Variants in CTTNBP2 observed in about 807,000 individuals in gnomAD.
The protein encoded by CTTNBP2 is cortactin binding protein 2, also known as cortactin-binding protein 2.
Under a neutral mutation model 156.9 loss-of-function variants are expected in CTTNBP2, and 108 were observed. That is an observed-to-expected ratio of 0.69 (90% confidence interval 0.59 to 0.81). The LOEUF (loss-of-function observed/expected upper bound fraction) is 0.81, where lower values mean the gene tolerates loss of function less well. CTTNBP2 is among the 30% of genes least tolerant of loss of function. The probability of loss-of-function intolerance (pLI) is 0.00; values close to 1 mark genes in which losing one functional copy is unlikely to be tolerated. For synonymous variants in CTTNBP2, 767 were observed against 751.8 expected, an observed-to-expected ratio of 1.02 and a Z score of -0.33; for missense variants, 1,924 against 2,035.4, an observed-to-expected ratio of 0.95 and a Z score of 1.05.
rs73479305 is a variant in CTTNBP2, at chr7:117,831,966, A to C, written c.190-20977T>G. On this transcript the variant is annotated intron_variant, in intron 2 of 22. Transcript: ENST00000160373. ...TTCTAGAAACAGTATTCTATGACCA[A>C]AATGACATATTCCAAACCCTTAAAT... Among the ~76,000 whole-genome samples the C allele has an allele frequency of 9.6e-3, 1,462 of 152,276 alleles. 20 individuals carry two copies. Among genetic ancestry groups the C allele is most frequent in the African/African-American group, 0.033 (1,383 of 41,552 alleles).
chr7:117,779,637 TCA>T (rs1798294708), intron 7 of CTTNBP2, among the ~76,000 whole-genome samples: 1 of 151,872 alleles, frequency 6.6e-6, no homozygotes, highest in African/African-American at 2.4e-5. Flanking sequence ...AACTGTTTTC[TCA>T]GATTTTCAAA....
chr7:117,719,666 A>C, intron 20 of CTTNBP2, 30 bp from the exon 21 acceptor site: 1 of 1,590,892 alleles, frequency 6.3e-7, no homozygotes, highest in Non-Finnish European at 8.6e-7. Flanking sequence ...AACGTTTTTC[A>C]AAGTGAGAAC....
chr7:117,855,938 T>G (rs1282622726), intron 2 of CTTNBP2, among the ~76,000 whole-genome samples: 1 of 152,266 alleles, frequency 6.6e-6, no homozygotes, highest in Non-Finnish European at 1.5e-5. Flanking sequence ...TTTTTATGCC[T>G]GCTACATAAT....
intron 8 of CTTNBP2, among the ~76,000 whole-genome samples, chr7:117,769,063 C>G (rs1797671264): frequency 6.6e-6 from 1 of 152,194 alleles, no homozygotes; most frequent in Non-Finnish European, 1.5e-5. Flanking sequence ...CAGAGCTGGA[C>G]TGCTGTGCAC....
At chr7:117,808,179 A>G (rs1450379286) in intron 3 of CTTNBP2, among the ~76,000 whole-genome samples, 3 of 152,176 alleles carry the variant, frequency 2.0e-5, no homozygotes, top group Non-Finnish European at 4.4e-5. Flanking sequence ...TCAGGGCCAG[A>G]ATTTATACTT....
chr7:117,718,240 C>T (rs371943659), intron 21 of CTTNBP2, 121 bp from the exon 22 acceptor site: 5 of 631,800 alleles, frequency 7.9e-6, no homozygotes, highest in Non-Finnish European at 2.8e-6. Context: ...CCCTGCCCCT[C>T]AAGTCCTGAA....
chr7:117,756,216 G>A (rs1185183501), intron 12 of CTTNBP2, among the ~76,000 whole-genome samples: 1 of 152,116 alleles, frequency 6.6e-6, no homozygotes, highest in African/African-American at 2.4e-5. Context: ...TTATAGTAAG[G>A]CATCTTGATA....
At position 117,784,379 on chromosome 7, in the gene CTTNBP2, T is replaced by G. The variant is rs746208314; in HGVS notation, c.2144A>C (p.Gln715Pro). 6.2e-7 allele frequency: 1 copy of G among 1,613,684 alleles called. No homozygotes were observed. Among genetic ancestry groups the G allele is most frequent in the Admixed American group, 1.7e-5 (1 of 59,838 alleles). Residue 715 changes from glutamine (Q) to proline (P), a missense_variant, in exon 5 of 23, where the codon CAG (glutamine) becomes CCG (proline). Physicochemically the swap from Gln to Pro is moderately conservative, Grantham distance 76. Coordinates refer to ENST00000160373, the MANE Select transcript of CTTNBP2 (RefSeq NM_033427.3). Reference protein sequence around the residue: ...APLAGRPTLLQQAAAQGNVTL... With the variant: ...APLAGRPTLLPQAAAQGNVTL... The stretch of plus-strand genomic sequence containing the variant: ...GACATTTCCCTGGGCAGCAGCTTGC[T>G]GAAGAAGGGTGGGCCTGCCAGCCAG...
At chr7:117,854,770 TAATTA>T (rs1173005747) in intron 2 of CTTNBP2, among the ~76,000 whole-genome samples, 1 of 151,252 alleles carries the variant, frequency 6.6e-6, no homozygotes, top group African/African-American at 2.4e-5. Context: ...ATAGATGATT[TAATTA>T]ATTAATTAAT....
intron 2 of CTTNBP2, among the ~76,000 whole-genome samples, chr7:117,822,757 C>A (rs900413867): frequency 6.6e-6 from 1 of 152,154 alleles, no homozygotes; most frequent in Admixed American, 6.5e-5. Context: ...TTTTATGGCC[C>A]AGCATATGGT....
rs138068502 is a variant in CTTNBP2 at position 117,721,257 on chromosome 7, TGAG to T, written c.4448-130_4448-128del. Reference sequence around the variant, plus strand: ...TGTTCTTGGATTAGTATCCAGGATTTGAGGAGATTTTCCCCAGGACAGAGGCTC... The same window carrying T: ...TGTTCTTGGATTAGTATCCAGGATTTGAGATTTTCCCCAGGACAGAGGCTC... On this transcript the variant is annotated intron_variant, in intron 19 of 22. Coordinates refer to ENST00000160373, the MANE Select transcript of CTTNBP2 (RefSeq NM_033427.3). The T allele has an allele frequency of 2.4e-3, 1,609 of 658,630 alleles. 12 individuals are homozygous for T. Among genetic ancestry groups the T allele is most frequent in the African/African-American group, 0.024 (1,322 of 54,786 alleles). 40.8% of individuals were successfully genotyped at this position (658,630 alleles called of 1,614,324 possible). A position where few individuals can be genotyped will look rare whatever the true frequency, so the allele number is the denominator to read the frequency against.
intron 1 of CTTNBP2, among the ~76,000 whole-genome samples, chr7:117,867,911 G>A (rs1300336313): frequency 6.6e-6 from 1 of 152,172 alleles, no homozygotes; most frequent in Non-Finnish European, 1.5e-5. Context: ...AGGAAACAAT[G>A]TCAGGAAGGA....
intron 2 of CTTNBP2, among the ~76,000 whole-genome samples, chr7:117,820,718 C>A (rs1185469052): frequency 1.3e-5 from 2 of 152,146 alleles, no homozygotes; most frequent in Non-Finnish European, 2.9e-5. Flanking sequence ...TTATTCTATT[C>A]CATGAGGTAT....
At position 117,724,721 on chromosome 7, in the gene CTTNBP2, G is replaced by T. The variant is rs371665184; in HGVS notation, c.4273C>A (p.His1425Asn). 8.6e-5 allele frequency: 139 copies of T among 1,614,088 alleles called. No individual in the cohort carries two copies. The highest frequency in any genetic ancestry group is 5.6e-4 in the South Asian group (51 of 91,070). The change falls in exon 19 of 23, where the codon CAT becomes AAT. Residue 1425 changes from histidine to asparagine, a missense_variant. Transcript: ENST00000160373. ...CTTCCTCCTTTGAAATCAGCTGTATGCTGGTCTAGCTCTGAAACAACACAA... is the reference window on the plus strand; with the variant it reads ...CTTCCTCCTTTGAAATCAGCTGTATTCTGGTCTAGCTCTGAAACAACACAA... ...CPLPRAELDQHTADFKGGSFP... is the reference protein window; with the variant it reads ...CPLPRAELDQNTADFKGGSFP...
chr7:117,861,055 T>C (rs1453090121), intron 2 of CTTNBP2, among the ~76,000 whole-genome samples, 154 bp downstream of exon 2: 3 of 152,214 alleles, frequency 2.0e-5, no homozygotes, highest in Non-Finnish European at 4.4e-5. Context: ...TTATAAAAGT[T>C]ATGGGTTAGT....
chr7:117,734,076 T>G lies in CTTNBP2; in HGVS notation c.3876+837A>C, dbSNP rs538765394. On this transcript the variant is annotated intron_variant, in intron 16 of 22. Transcript: ENST00000160373. The stretch of plus-strand genomic sequence containing the variant: ...CAAGGGCACAGTGTCTGCAGCCTTG[T>G]GGGCACACTGCAGTCTTGACGGGAG... Among the ~76,000 whole-genome samples the G allele has an allele frequency of 3.9e-5, 6 of 152,342 alleles. No individual in the cohort carries two copies. In the East Asian group the frequency reaches 1.2e-3, roughly 29 times the overall value.
intron 14 of CTTNBP2, 62 bp from the exon 15 acceptor site, chr7:117,735,483 A>C (rs1428278940): frequency 2.1e-6 from 3 of 1,432,066 alleles, no homozygotes; most frequent in Admixed American, 4.2e-5. Flanking sequence ...CAAATTGGCA[A>C]AACTAAAAAA....
chr7:117,733,534 C>T lies in CTTNBP2; in HGVS notation c.3876+1379G>A, dbSNP rs112617225. 3.3e-3 allele frequency among the ~76,000 whole-genome samples: 504 copies of T among 152,256 alleles called. 2 individuals carry two copies. The highest frequency in any genetic ancestry group is 6.0e-3 in the Admixed American group (91 of 15,290). On this transcript the variant is annotated intron_variant, in intron 16 of 22. Coordinates refer to ENST00000160373, the MANE Select transcript of CTTNBP2 (RefSeq NM_033427.3). ...TGACAGTGATAGTTAATGCAAGTAT[C>T]GGTAATTTGAAAAGCTACAGACCTA... is the stretch of plus-strand genomic sequence containing the variant.
At chr7:117,754,898 G>A (rs767302771) in intron 12 of CTTNBP2, among the ~76,000 whole-genome samples, 9 of 152,182 alleles carry the variant, frequency 5.9e-5, no homozygotes, top group Non-Finnish European at 1.2e-4. Flanking sequence ...AGATTTGCTA[G>A]TCAACGCTAA....
Sources: allele counts gnomAD v4.1 joint callset (sites outside exome capture counted in the v4.1 genomes callset), GRCh38; gene constraint gnomAD v4.1.1; transcripts MANE v1.5; gene names NCBI Gene and HGNC (gene_info 2026-07-23, HGNC 2026-07-21).